Variants in NAALADL2 observed in about 807,000 individuals in gnomAD.
The protein encoded by NAALADL2 is N-acetylated alpha-linked acidic dipeptidase like 2.
NAALADL2 carries 76 observed loss-of-function variants against 87.2 expected under a neutral mutation model. That is an observed-to-expected ratio of 0.87 (90% CI 0.72 to 1.05). NAALADL2 has a LOEUF of 1.05. Among genes scored for constraint, NAALADL2 ranks in the 50% least tolerant of loss-of-function variants. NAALADL2 has a pLI of 0.00. For missense variants in NAALADL2, 1,089 were observed against 945.8 expected (o/e 1.15, Z -1.99); for synonymous variants, 354 against 331.0 (o/e 1.07, Z -0.75).
chr3:174,948,536 T>C (rs1313963936), intron 1 of NAALADL2, among the ~76,000 whole-genome samples: 3 of 152,204 alleles, frequency 2.0e-5, no homozygotes, highest in African/African-American at 7.2e-5. Context: ...AACTTTTGTC[T>C]GGTACTTTAT....
At chr3:174,754,926 A>G (rs557389568) in intron 3 of NAALADL2, among the ~76,000 whole-genome samples, 1 of 152,262 alleles carries the variant, frequency 6.6e-6, no homozygotes, top group South Asian at 2.1e-4. Context: ...AGAAAAGGTA[A>G]ATACCTTTTT....
intron 5 of NAALADL2, among the ~76,000 whole-genome samples, chr3:175,387,251 CTTGG>C (rs1467603291): frequency 6.6e-6 from 1 of 152,044 alleles, no homozygotes; most frequent in Non-Finnish European, 1.5e-5. Flanking sequence ...CACTAGGGGC[CTTGG>C]AATGCATTCC....
chr3:175,649,879 A>G (rs1730515293), intron 11 of NAALADL2, among the ~76,000 whole-genome samples: 1 of 152,096 alleles, frequency 6.6e-6, no homozygotes, highest in Admixed American at 6.5e-5. Context: ...ATTCATATCA[A>G]CACATGAGTT....
chr3:175,425,936 T>C (rs549083340), intron 5 of NAALADL2, among the ~76,000 whole-genome samples: 1 of 152,300 alleles, frequency 6.6e-6, no homozygotes, highest in East Asian at 1.9e-4. Context: ...AAAGATATAA[T>C]TGATAAAAAG....
chr3:175,132,847 A>G lies in NAALADL2; in HGVS notation c.545+35556A>G, dbSNP rs568316111. 6.7e-4 allele frequency among the ~76,000 whole-genome samples: 101 copies of G among 151,388 alleles called. No individual in the cohort carries two copies. In the Middle Eastern group the frequency reaches 0.014, roughly 21 times the overall value. ...GGCGGAGATGCTCCTCACTTCCCAG[A>G]TAGGGTGGCTGCCAGGCGGAGGGGC... On this transcript the variant is annotated intron_variant, in intron 2 of 13. Transcript: ENST00000454872.
intron 10 of NAALADL2, among the ~76,000 whole-genome samples, chr3:175,615,826 C>T (rs1340929389): frequency 6.7e-6 from 1 of 150,370 alleles, no homozygotes; most frequent in Admixed American, 6.7e-5. Flanking sequence ...CACTGCACTC[C>T]AGCCTGGGTG....
chr3:175,138,770 G>A (rs1402332493), intron 2 of NAALADL2, among the ~76,000 whole-genome samples: 1 of 148,526 alleles, frequency 6.7e-6, no homozygotes, highest in African/African-American at 2.5e-5. Flanking sequence ...TTGAATGTAG[G>A]AAATACACAT....
At chr3:175,332,562 A>G (rs2110507556) in intron 5 of NAALADL2, among the ~76,000 whole-genome samples, 1 of 152,252 alleles carries the variant, frequency 6.6e-6, no homozygotes, top group East Asian at 1.9e-4. Context: ...TCGCCTCCCA[A>G]AATGCTGAGA....
chr3:174,987,029 G>A (rs1745970249), intron 1 of NAALADL2, among the ~76,000 whole-genome samples: 1 of 152,138 alleles, frequency 6.6e-6, no homozygotes, highest in African/African-American at 2.4e-5. Context: ...CAAACTAAAT[G>A]CACTGCCCAC....
intron 11 of NAALADL2, among the ~76,000 whole-genome samples, chr3:175,668,803 C>G (rs1367978207): frequency 6.6e-6 from 1 of 151,972 alleles, no homozygotes; most frequent in African/African-American, 2.4e-5. Context: ...AACAAAAGAC[C>G]AAGAAGGGCC....
rs575242812 is a variant in NAALADL2, at chr3:174,709,750, T to A, written c.-114-27891T>A. ...AGAAACTACTAGACACTAGCAACCA[T>A]ATTTACCTCCTGGAACTTTTCAGTA... On this transcript the variant is annotated intron_variant, in intron 2 of 3. Coordinates refer to the NAALADL2 transcript ENST00000434257. Among the ~76,000 whole-genome samples the A allele has an allele frequency of 2.6e-5, 4 of 152,170 alleles. No homozygotes were observed. In the South Asian group the frequency reaches 8.3e-4, roughly 31 times the overall value.
At chr3:175,266,861 GTAT>G (rs1434809765) in intron 4 of NAALADL2, among the ~76,000 whole-genome samples, 2 of 151,632 alleles carry the variant, frequency 1.3e-5, no homozygotes, top group African/African-American at 4.8e-5. Context: ...CCTGGTGAAG[GTAT>G]TATGGATATT....
chr3:175,682,263 T>C (rs1383558962), intron 11 of NAALADL2, among the ~76,000 whole-genome samples: 4 of 152,054 alleles, frequency 2.6e-5, no homozygotes, highest in African/African-American at 9.7e-5. Flanking sequence ...AAAAAATTGT[T>C]ATAAAATTTT....
intron 1 of NAALADL2, among the ~76,000 whole-genome samples, chr3:174,536,896 T>A (rs1423025903): frequency 6.6e-6 from 1 of 152,196 alleles, no homozygotes; most frequent in African/African-American, 2.4e-5. Flanking sequence ...TCTTCCCCAA[T>A]ACAATGGTTT....
intron 13 of NAALADL2, among the ~76,000 whole-genome samples, chr3:175,769,176 C>G (rs1255433211): frequency 6.6e-6 from 1 of 152,130 alleles, no homozygotes; most frequent in East Asian, 1.9e-4. Context: ...TTCCATTATA[C>G]TTATTAATTC....
chr3:175,122,689 A>T (rs972597524), intron 2 of NAALADL2, among the ~76,000 whole-genome samples: 1 of 151,638 alleles, frequency 6.6e-6, no homozygotes, highest in Non-Finnish European at 1.5e-5. Flanking sequence ...ATCTCCTCCC[A>T]TTCTCTCTTC....
chr3:174,701,810 A>T (rs1336599640), intron 2 of NAALADL2, among the ~76,000 whole-genome samples: 1 of 152,174 alleles, frequency 6.6e-6, no homozygotes, highest in Non-Finnish European at 1.5e-5. Flanking sequence ...TTCCATTGGA[A>T]GGGTATATCA....
At chr3:174,630,242 C>T (rs569196642) in intron 2 of NAALADL2, among the ~76,000 whole-genome samples, 2 of 152,156 alleles carry the variant, frequency 1.3e-5, no homozygotes, top group East Asian at 3.9e-4. Context: ...TTTGAAGTCA[C>T]TACTTAGATA....
chr3:175,261,663 A>T (rs530009836), intron 4 of NAALADL2, among the ~76,000 whole-genome samples: 32 of 152,214 alleles, frequency 2.1e-4, no homozygotes, highest in South Asian at 6.2e-4. Context: ...TTTTTTCATT[A>T]TTCTTATATA....
Sources: gnomAD v4.1 joint callset for allele counts (sites outside exome capture counted in the v4.1 genomes callset) on GRCh38, gnomAD v4.1.1 for gene constraint, MANE v1.5 for transcripts, NCBI Gene and HGNC (gene_info 2026-07-23, HGNC 2026-07-21) for gene names.